The following DSG2 variants were observed in gnomAD, a reference collection of about 807,000 sequenced individuals.
The protein encoded by DSG2 is desmoglein-2.
DSG2 carries 45 observed loss-of-function variants against 75.6 expected under a neutral mutation model. That is an observed-to-expected ratio of 0.60 (90% CI 0.47 to 0.76). DSG2 has a LOEUF of 0.76. Among genes scored for constraint, DSG2 ranks in the 30% least tolerant of loss-of-function variants. DSG2 has a pLI of 0.00. For missense variants in DSG2, 1,267 were observed against 1,357.4 expected, an observed-to-expected ratio of 0.93 and a Z score of 1.05; for synonymous variants, 429 against 483.9, an observed-to-expected ratio of 0.89 and a Z score of 1.49.
In DSG2 at chr18:31,531,255, A is replaced by G; in HGVS notation, c.1280+3A>G. 1 of 1,614,120 alleles carries G rather than the reference A, an allele frequency of 6.2e-7. No homozygotes were observed. The highest frequency in any genetic ancestry group is 8.5e-7 in the Non-Finnish European group (1 of 1,179,992). On this transcript the variant is annotated splice_donor_region_variant and intron_variant, in intron 9 of 14. Coordinates refer to ENST00000261590, the MANE Select transcript of DSG2 (RefSeq NM_001943.5). Reference sequence around the variant, plus strand: ...ACTGGACTACCAGCCCATGCAAGGTAAGAGAGAGTGACACGTGTATTTCTT... The same window carrying G: ...ACTGGACTACCAGCCCATGCAAGGTGAGAGAGAGTGACACGTGTATTTCTT...
rs1246035638 is a variant in DSG2 at position 31,520,954 on chromosome 18, C to G, written c.368C>G (p.Pro123Arg). ...VTSILDREETPFFLLTGYALD... is the reference protein window; with the variant it reads ...VTSILDREETRFFLLTGYALD... ...AGCATTCTTGATCGAGAAGAAACAC[C>G]ATTTTTTCTGGTAAGAAGAATAATT... Residue 123 changes from proline (P) to arginine (R), a missense_variant, in exon 4 of 15, where the codon CCA becomes CGA. Coordinates refer to ENST00000261590, the MANE Select transcript of DSG2 (RefSeq NM_001943.5). 8.1e-6 allele frequency: 13 copies of G among 1,613,358 alleles called. No individual in the cohort carries two copies. Among genetic ancestry groups the G allele is most frequent in the Non-Finnish European group, 1.1e-5 (13 of 1,179,796 alleles).
intron 1 of DSG2, among the ~76,000 whole-genome samples, chr18:31,511,246 T>C (rs1369498799): frequency 1.3e-5 from 2 of 152,178 alleles, no homozygotes; most frequent in East Asian, 1.9e-4. Flanking sequence ...AGGGCTATCA[T>C]GTGCATTGTA....
intron 6 of DSG2, 25 bp from the exon 7 acceptor site, chr18:31,524,423 C>A (rs765301498): frequency 1.2e-6 from 2 of 1,613,930 alleles, no homozygotes; most frequent in Admixed American, 3.3e-5. Flanking sequence ...TTTCACCCAG[C>A]TGGACATTTT....
rs769649528 is a variant in DSG2, at chr18:31,520,819, C to A, written c.233C>A (p.Ala78Glu). The A allele has an allele frequency of 1.1e-5, 17 of 1,613,372 alleles. No homozygotes were observed. The highest frequency in any genetic ancestry group is 1.4e-5 in the Non-Finnish European group (16 of 1,179,700). The change falls in exon 4 of 15, where the codon GCA becomes GAA. Residue 78 changes from alanine to glutamate, a missense_variant. Coordinates refer to ENST00000261590, the MANE Select transcript of DSG2 (RefSeq NM_001943.5). The part of the protein sequence containing the change: ...NPIAKIHSDL[A>E]EERGLKITYK... ...TTATGTTAGATACATTCTGATCTTG[C>A]AGAAGAAAGAGGACTCAAAATTACT...
chr18:31,541,739 A>G (rs2073269454), intron 13 of DSG2, among the ~76,000 whole-genome samples: 1 of 152,132 alleles, frequency 6.6e-6, no homozygotes, highest in Non-Finnish European at 1.5e-5. Context: ...CATCATAGCC[A>G]TATCCCTTTG....
In DSG2 at chr18:31,546,423, T is replaced by C. The variant is rs749697857; in HGVS notation, c.3037T>C (p.Tyr1013His). The change falls in exon 15 of 15, where the codon TAC (tyrosine) becomes CAC (histidine). Residue 1013 changes from tyrosine (Y) to histidine (H), a missense_variant. Coordinates refer to ENST00000261590, the MANE Select transcript of DSG2 (RefSeq NM_001943.5). ...CACTCAGCATCTTCAAGATGTACCT[T>C]ACGTCATGGTGAGGGAAAGAGAGAG... Reference protein sequence around the residue: ...EGTQHLQDVPYVMVRERESFL... With the variant: ...EGTQHLQDVPHVMVRERESFL... 1.2e-6 allele frequency: 2 copies of C among 1,614,158 alleles called. No homozygotes were observed. Among genetic ancestry groups the C allele is most frequent in the Non-Finnish European group, 1.7e-6 (2 of 1,180,004 alleles).
At position 31,524,569 on chromosome 18, in the gene DSG2, T is replaced by TC. The variant is rs781442267; in HGVS notation, c.812_813insC (p.Val272SerfsTer4). On this transcript the variant is annotated frameshift_variant, in exon 7 of 15. Transcript: ENST00000261590. LOFTEE classifies it high-confidence loss of function. ...TTGGATGTCAATGACAATATACCTGTAGTAGAAAATAAAGTGGTAACTATT... is the reference window on the plus strand; with the variant it reads ...TTGGATGTCAATGACAATATACCTGTCAGTAGAAAATAAAGTGGTAACTATT... 2.7e-5 allele frequency: 43 copies of TC among 1,613,858 alleles called. No individual in the cohort carries two copies. In the South Asian group the frequency reaches 4.4e-4, roughly 16 times the overall value.
At position 31,530,988 on chromosome 18, in the gene DSG2, A is replaced by C; in HGVS notation, c.1016A>C (p.Glu339Ala). 6.2e-7 allele frequency: 1 copy of C among 1,613,864 alleles called. No homozygotes were observed. The highest frequency in any genetic ancestry group is 8.5e-7 in the Non-Finnish European group (1 of 1,179,962). Reference protein sequence around the residue: ...TNEGIVTLIKEVDYEEMKNLD... With the variant: ...TNEGIVTLIKAVDYEEMKNLD... Reference sequence around the variant, plus strand: ...ATTCCCTTTGGTTTTCCCTTTCAGGAAGTAGATTATGAAGAAATGAAGAAT... The same window carrying C: ...ATTCCCTTTGGTTTTCCCTTTCAGGCAGTAGATTATGAAGAAATGAAGAAT... The change falls in exon 9 of 15, where the codon GAA (glutamate) becomes GCA (alanine). Residue 339 changes from glutamate (E) to alanine (A), a missense_variant and splice_region_variant. By Grantham distance (107) the Glu-to-Ala change is moderately radical. Coordinates refer to ENST00000261590, the MANE Select transcript of DSG2 (RefSeq NM_001943.5).
chr18:31,538,919 A>C lies in DSG2; in HGVS notation c.1820A>C (p.Tyr607Ser). The stretch of plus-strand genomic sequence containing the variant: ...TGCAGGGAAGCACAGCATGACTCCT[A>C]TGTGGGCCTGGGACCCGCAGCAATT... ...SGCREAQHDS[Y>S]VGLGPAAIAL... Residue 607 changes from tyrosine (Y) to serine (S), a missense_variant, in exon 12 of 15, where the codon TAT becomes TCT. Tyr to Ser is a moderately radical substitution (Grantham distance 144). Transcript: ENST00000261590. 8.1e-6 allele frequency: 13 copies of C among 1,614,102 alleles called. No individual in the cohort carries two copies. Among genetic ancestry groups the C allele is most frequent in the South Asian group, 1.1e-5 (1 of 91,078 alleles).
intron 11 of DSG2, among the ~76,000 whole-genome samples, chr18:31,538,000 T>TAAGAAG (rs577490649): frequency 6.6e-6 from 1 of 151,766 alleles, no homozygotes; most frequent in Non-Finnish European, 1.5e-5. Flanking sequence ...TTTCAAAAAA[T>TAAGAAG]AAGAAGAAGA....
intron 11 of DSG2, among the ~76,000 whole-genome samples, chr18:31,536,657 C>A (rs1287457119): frequency 6.6e-6 from 1 of 152,026 alleles, no homozygotes; most frequent in African/African-American, 2.4e-5. Flanking sequence ...CCTAAATAGC[C>A]CTTGAAGTAG....
At chr18:31,540,030 T>TA (rs898658257) in intron 12 of DSG2, among the ~76,000 whole-genome samples, 35 of 152,038 alleles carry the variant, frequency 2.3e-4, no homozygotes, top group African/African-American at 8.5e-4. Flanking sequence ...TGGGACCATC[T>TA]AGTTGCAGAA....
rs2073275220 is a variant in DSG2 at position 31,542,587 on chromosome 18, T to C, written c.2069T>C (p.Met690Thr). 2 of 1,614,080 alleles carry C rather than the reference T, an allele frequency of 1.2e-6. No individual in the cohort carries two copies. The highest frequency in any genetic ancestry group is 1.7e-6 in the Non-Finnish European group (2 of 1,180,004). The change falls in exon 14 of 15, where the codon ATG (methionine) becomes ACG (threonine). Residue 690 changes from methionine to threonine, a missense_variant. Physicochemically the swap from Met to Thr is moderately conservative, Grantham distance 81. Coordinates refer to ENST00000261590, the MANE Select transcript of DSG2 (RefSeq NM_001943.5). ...SLVGRNGVGG[M>T]AKEATMKGSS... ...GTAGGAAGAAATGGAGTAGGAGGTA[T>C]GGCCAAGGAAGCCACGATGAAAGGA...
rs2073319014 is a variant in DSG2, at chr18:31,547,201, A to C, written c.*458A>C. ...CCAGCAGACTTTCAACAACTCATTG[A>C]TCCAAAGATACATGCACAGTCTGAG... On this transcript the variant is annotated 3_prime_UTR_variant, in exon 15 of 15. Coordinates refer to ENST00000261590, the MANE Select transcript of DSG2 (RefSeq NM_001943.5). 1 of 266,456 alleles carries C rather than the reference A, an allele frequency of 3.8e-6. No homozygotes were observed. The highest frequency in any genetic ancestry group is 2.2e-5 in the African/African-American group (1 of 45,106). 16.5% of individuals were successfully genotyped at this position (266,456 alleles called of 1,614,324 possible).
At chr18:31,533,685 C>G (rs1312173959) in intron 9 of DSG2, among the ~76,000 whole-genome samples, 2 of 152,050 alleles carry the variant, frequency 1.3e-5, no homozygotes, top group African/African-American at 2.4e-5. Flanking sequence ...CAACTTATGT[C>G]TAAGCTTTAA....
chr18:31,498,527 G>C (rs1337724348), intron 1 of DSG2, among the ~76,000 whole-genome samples: 1 of 152,216 alleles, frequency 6.6e-6, no homozygotes, highest in Non-Finnish European at 1.5e-5. Context: ...ACCTATCGAA[G>C]TTGTGTTTTC....
chr18:31,542,957 G>A, intron 14 of DSG2, 105 bp downstream of exon 14: 1 of 968,490 alleles, frequency 1.0e-6, no homozygotes. Context: ...ATGAGACTTT[G>A]GGTTTTTTTT....
chr18:31,506,092 C>T (rs554218264), intron 1 of DSG2, among the ~76,000 whole-genome samples: 4 of 152,198 alleles, frequency 2.6e-5, no homozygotes, highest in Non-Finnish European at 5.9e-5. Context: ...AGTATAAGGA[C>T]AAGAACTTGA....
chr18:31,539,412 G>A (rs2073252726), intron 12 of DSG2, among the ~76,000 whole-genome samples: 1 of 152,150 alleles, frequency 6.6e-6, no homozygotes, highest in African/African-American at 2.4e-5. Context: ...AATCAATCCT[G>A]CTTTGTACAT....
Sources: allele counts gnomAD v4.1 joint callset (sites outside exome capture counted in the v4.1 genomes callset), GRCh38; gene constraint gnomAD v4.1.1; transcripts MANE v1.5; gene names NCBI Gene and HGNC (gene_info 2026-07-23, HGNC 2026-07-21).